TAP2: variants seen among roughly 807,000 people sequenced by gnomAD.
The protein encoded by TAP2 is transporter 2, ATP binding cassette subfamily B member.
In TAP2, 49 loss-of-function variants were observed where a neutral mutation model predicts 74.7. The ratio of observed to expected loss-of-function variants is 0.66; its 90% CI spans 0.52 to 0.83. The LOEUF is 0.83. Among genes scored for constraint, TAP2 ranks in the 40% least tolerant of loss-of-function variants. The probability of loss-of-function intolerance (pLI) is 0.00; values close to 1 mark genes in which losing one functional copy is unlikely to be tolerated. For synonymous variants in TAP2, 306 were observed against 368.4 expected, an observed-to-expected ratio of 0.83 and a Z score of 1.94; for missense variants, 739 against 859.0, an observed-to-expected ratio of 0.86 and a Z score of 1.75.
At chr6:32,829,866 C>T in intron 10 of TAP2, 64 bp downstream of exon 10, 1 of 1,605,360 alleles carries the variant, frequency 6.2e-7, no homozygotes, top group East Asian at 2.2e-5. Flanking sequence ...ACCTTCACCA[C>T]TAAGAGTAAG....
At position 32,826,551 on chromosome 6, in the gene TAP2, G is replaced by A. The variant is rs551808885; in HGVS notation, c.*2355C>T. ...TTACAGGAATTTGTCTGTCTAGCCC[G>A]AATATTTTGACTTTCAGGGAGCATT... On this transcript the variant is annotated 3_prime_UTR_variant, in exon 12 of 12. Transcript: ENST00000374897. The A allele has an allele frequency of 4.0e-4, 394 of 985,346 alleles. 1 individual carries two copies. Among genetic ancestry groups the A allele is most frequent in the Non-Finnish European group, 4.6e-4 (383 of 829,908 alleles). 61.0% of individuals were successfully genotyped at this position (985,346 alleles called of 1,614,324 possible).
Position 32,826,878 on chromosome 6 carries a change from A to G in TAP2, c.*2028T>C, listed in dbSNP as rs1430494331. 3.0e-6 allele frequency: 3 copies of G among 985,304 alleles called. No individual in the cohort carries two copies. In the East Asian group the frequency reaches 3.4e-4, roughly 112 times the overall value. 61.0% of individuals were successfully genotyped at this position (985,304 alleles called of 1,614,324 possible). On this transcript the variant is annotated 3_prime_UTR_variant, in exon 12 of 12. Coordinates refer to ENST00000374897, the MANE Select transcript of TAP2 (RefSeq NM_001290043.2). ...TCTGTGAGGGCTGCAGCTTCCATGT[A>G]GTTGGGAGATACAGGAATTATTATT...
chr6:32,824,687 A>C (rs936323878), downstream of TAP2, among the ~76,000 whole-genome samples: 2 of 152,058 alleles, frequency 1.3e-5, no homozygotes, highest in Admixed American at 6.5e-5. Context: ...AGGAATTTTA[A>C]ATTCTAATTA....
chr6:32,822,917 C>CTTTTTT (rs3041453), downstream of TAP2, among the ~76,000 whole-genome samples: 178 of 109,978 alleles, frequency 1.6e-3, 5 homozygotes, highest in African/African-American at 3.7e-3. Flanking sequence ...TGTGTTCATA[C>CTTTTTT]TTTTTTTTTT....
intron 1 of TAP2, among the ~76,000 whole-genome samples, 163 bp downstream of exon 1, chr6:32,838,490 G>T (rs1769593953): frequency 6.8e-6 from 1 of 147,316 alleles, no homozygotes; most frequent in Non-Finnish European, 1.5e-5. Context: ...AAAATCCCCG[G>T]ACCCCCACCC....
At chr6:32,836,835 A>C (rs1460100670) in intron 3 of TAP2, among the ~76,000 whole-genome samples, 3 of 152,234 alleles carry the variant, frequency 2.0e-5, no homozygotes, top group African/African-American at 7.2e-5. Context: ...GAATGAAGGC[A>C]CAATGAAATG....
At chr6:32,823,997 G>T (rs16870914), downstream of TAP2, among the ~76,000 whole-genome samples, 3 of 151,888 alleles carry the variant, frequency 2.0e-5, no homozygotes, top group Admixed American at 2.0e-4. Flanking sequence ...TACCTTTGTA[G>T]TCTTAAATGT....
chr6:32,830,512 G>A, intron 8 of TAP2, 72 bp from the exon 9 acceptor site: 1 of 1,593,166 alleles, frequency 6.3e-7, no homozygotes, highest in Non-Finnish European at 8.5e-7. Flanking sequence ...CTTCTTAGCA[G>A]AGGCAAGACC....
Position 32,835,457 on chromosome 6 carries a change from C to T in TAP2, c.740-98G>A. On this transcript the variant is annotated intron_variant, in intron 4 of 11. Coordinates refer to ENST00000374897, the MANE Select transcript of TAP2 (RefSeq NM_001290043.2). The surrounding 1 kb of genome is among the most constrained non-coding windows in gnomAD (Gnocchi z 4.0). ...CCGTTCCCTCTGACACAGCCCCCTCCTCTGAACATCCTCCTTCACTTGCAG... is the reference window on the plus strand; with the variant it reads ...CCGTTCCCTCTGACACAGCCCCCTCTTCTGAACATCCTCCTTCACTTGCAG... 5 of 1,458,280 alleles carry T rather than the reference C, an allele frequency of 3.4e-6. No individual in the cohort carries two copies. The highest frequency in any genetic ancestry group is 4.8e-6 in the Non-Finnish European group (5 of 1,051,808). 90.3% of individuals were successfully genotyped at this position (1,458,280 alleles called of 1,614,324 possible).
In TAP2 at chr6:32,838,071, G is replaced by C; in HGVS notation, c.163C>G (p.Leu55Val). Residue 55 changes from leucine (L) to valine (V), a missense_variant, in exon 2 of 12, where the codon CTA (leucine) becomes GTA (valine). Leu to Val is a conservative substitution (Grantham distance 32). Coordinates refer to ENST00000374897, the MANE Select transcript of TAP2 (RefSeq NM_001290043.2). ...CCCACAAATCCCAGCAGCCCTCTTAGCTTTAGCAGCCCCCACAGCCCTCCC... is the reference window on the plus strand; with the variant it reads ...CCCACAAATCCCAGCAGCCCTCTTACCTTTAGCAGCCCCCACAGCCCTCCC... The part of the protein sequence containing the change: ...RLGGLWGLLK[L>V]RGLLGFVGTL... The C allele has an allele frequency of 1.2e-6, 2 of 1,612,248 alleles. No individual in the cohort carries two copies. Among genetic ancestry groups the C allele is most frequent in the Non-Finnish European group, 1.7e-6 (2 of 1,179,778 alleles).
At position 32,835,500 on chromosome 6, in the gene TAP2, C is replaced by T. The variant is rs1769357334; in HGVS notation, c.740-141G>A. On this transcript the variant is annotated intron_variant, in intron 4 of 11. Coordinates refer to ENST00000374897, the MANE Select transcript of TAP2 (RefSeq NM_001290043.2). This position sits in a 1 kb window ranked among gnomAD's most constrained non-coding sequence, Gnocchi z 4.0. Reference sequence around the variant, plus strand: ...ACTTGCAGAGGGACAGTGGAGGCTGCTTCTCCACCCTGTCCCAAACAAGAG... The same window carrying T: ...ACTTGCAGAGGGACAGTGGAGGCTGTTTCTCCACCCTGTCCCAAACAAGAG... 2 of 1,442,576 alleles carry T rather than the reference C, an allele frequency of 1.4e-6. No individual in the cohort carries two copies. Among genetic ancestry groups the T allele is most frequent in the East Asian group, 2.3e-5 (1 of 42,646 alleles). The allele number at this position is 1,442,576 out of a possible 1,614,324, so 89.4% of individuals were successfully genotyped here.
Position 32,829,538 on chromosome 6 carries a change from T to A in TAP2, c.1796-2A>T. ...GCTGGCTTCCCTTCTCCCCTACATC[T>A]GAGGAAATCAGAGAAATTCCCTTCC... On this transcript the variant is annotated splice_acceptor_variant, in intron 10 of 11. Transcript: ENST00000374897. LOFTEE classifies it high-confidence loss of function. The A allele has an allele frequency of 6.2e-7, 1 of 1,614,108 alleles. No homozygotes were observed. Among genetic ancestry groups the A allele is most frequent in the Non-Finnish European group, 8.5e-7 (1 of 1,180,012 alleles).
chr6:32,826,662 C>T lies in TAP2; in HGVS notation c.*2244G>A. ...GACATCTTAAGGTCTACTGCATCTT[C>T]CTGTACTGCCCATCAAGATAAGTTT... On this transcript the variant is annotated 3_prime_UTR_variant, in exon 12 of 12. Transcript: ENST00000374897. 4 of 985,424 alleles carry T rather than the reference C, an allele frequency of 4.1e-6. No homozygotes were observed. The highest frequency in any genetic ancestry group is 3.6e-6 in the Non-Finnish European group (3 of 829,940). The allele number at this position is 985,424 out of a possible 1,614,324, so 61.0% of individuals were successfully genotyped here.
chr6:32,829,144 G>C (rs1021417919), intron 11 of TAP2, 110 bp from the exon 12 acceptor site: 10 of 1,505,076 alleles, frequency 6.6e-6, no homozygotes, highest in Non-Finnish European at 8.9e-6. Context: ...AATAAAAGAA[G>C]GTAGGAAAGG....
At chr6:32,830,120 T>C (rs1768960591) in intron 9 of TAP2, 31 bp from the exon 10 acceptor site, 1 of 1,612,942 alleles carries the variant, frequency 6.2e-7, no homozygotes, top group Non-Finnish European at 8.5e-7. Flanking sequence ...CAGAGGACTA[T>C]GTGTAAACCC....
rs561204060 is a variant in TAP2, at chr6:32,828,452, A to T, written c.*454T>A. 2.0e-6 allele frequency: 2 copies of T among 984,758 alleles called. No individual in the cohort carries two copies. The highest frequency in any genetic ancestry group is 9.4e-5 in the South Asian group (2 of 21,292). The allele number at this position is 984,758 out of a possible 1,614,324, so 61.0% of individuals were successfully genotyped here. On this transcript the variant is annotated 3_prime_UTR_variant, in exon 12 of 12. Coordinates refer to ENST00000374897, the MANE Select transcript of TAP2 (RefSeq NM_001290043.2). ...ACAACAGATAAACGACTGATGGGAC[A>T]GGCAGCAAAATAGCAACTATGGTTA...
chr6:32,838,111 C>T lies in TAP2; in HGVS notation c.123G>A (p.Glu41=), dbSNP rs1769557013. The T allele has an allele frequency of 6.2e-6, 10 of 1,611,604 alleles. No individual in the cohort carries two copies. Among genetic ancestry groups the T allele is most frequent in the Non-Finnish European group, 8.5e-6 (10 of 1,179,382 alleles). The change falls in exon 2 of 12, where the codon GAG becomes GAA. Residue 41 remains glutamate, a synonymous_variant. Coordinates refer to ENST00000374897, the MANE Select transcript of TAP2 (RefSeq NM_001290043.2). The part of the protein sequence containing the change: ...LPQGLPGLWL[E]GTLRLGGLWG... Reference sequence around the variant, plus strand: ...ACAGCCCTCCCAGCCGCAGGGTCCCCTCCAGCCATAGTCCTGGCAGCCCTT... The same window carrying T: ...ACAGCCCTCCCAGCCGCAGGGTCCCTTCCAGCCATAGTCCTGGCAGCCCTT...
chr6:32,834,208 A>G (rs1362362332), intron 5 of TAP2, among the ~76,000 whole-genome samples: 1 of 152,238 alleles, frequency 6.6e-6, no homozygotes, highest in Non-Finnish European at 1.5e-5. Flanking sequence ...AGCATAATTC[A>G]CAACAGCCAA....
At position 32,827,547 on chromosome 6, in the gene TAP2, A is replaced by G. The variant is rs1768738751; in HGVS notation, c.*1359T>C. The G allele has an allele frequency of 3.1e-6, 1 of 319,950 alleles. No individual in the cohort carries two copies. Among genetic ancestry groups the G allele is most frequent in the African/African-American group, 2.2e-5 (1 of 44,912 alleles). The allele number at this position is 319,950 out of a possible 1,614,324, so 19.8% of individuals were successfully genotyped here. A position where few individuals can be genotyped will look rare whatever the true frequency, so the allele number is the denominator to read the frequency against. On this transcript the variant is annotated 3_prime_UTR_variant, in exon 12 of 12. Transcript: ENST00000374897. ...ACATGGAGAGTTCCCCAGACTGACG[A>G]CATAAGTAAGGCCTCCTGGAAGACC... is the stretch of plus-strand genomic sequence containing the variant.
Sources: gnomAD v4.1 joint callset for allele counts (sites outside exome capture counted in the v4.1 genomes callset) on GRCh38, gnomAD v4.1.1 for gene constraint, Gnocchi (gnomAD v3.1) non-coding constraint, MANE v1.5 for transcripts, NCBI Gene and HGNC (gene_info 2026-07-23, HGNC 2026-07-21) for gene names.